The following RYR3 variants were observed in gnomAD, a reference collection of about 807,000 sequenced individuals.
The protein encoded by RYR3 is ryanodine receptor 3, also known as brain ryanodine receptor-calcium release channel.
RYR3 carries 207 observed loss-of-function variants against 584.3 expected under a neutral mutation model. That is an observed-to-expected ratio of 0.35 (90% CI 0.32 to 0.40). RYR3 has a LOEUF of 0.40. RYR3 is among the 10% of genes least tolerant of loss of function. The probability of loss-of-function intolerance (pLI) is 1.00; values close to 1 mark genes in which losing one functional copy is unlikely to be tolerated. For synonymous variants in RYR3, 2,416 were observed against 2,248.5 expected, an observed-to-expected ratio of 1.07 and a Z score of -2.11; for missense variants, 5,616 against 6,089.2, an observed-to-expected ratio of 0.92 and a Z score of 2.59.
chr15:33,710,518 G>A, intron 43 of RYR3, among the ~76,000 whole-genome samples: 1 of 151,960 alleles, frequency 6.6e-6, no homozygotes, highest in Admixed American at 6.6e-5. Context: ...CCTGGGGTCT[G>A]GAGGGTGGCT....
intron 32 of RYR3, among the ~76,000 whole-genome samples, chr15:33,654,828 A>G (rs1204246852): frequency 2.0e-5 from 3 of 152,260 alleles, no homozygotes; most frequent in Admixed American, 2.0e-4. Context: ...ACATGGATAA[A>G]ACCCCTGATT....
In RYR3 at chr15:33,788,372, ACTC is replaced by A; in HGVS notation, c.9748_9750del (p.Leu3250del). 1 of 1,613,798 alleles carries A rather than the reference ACTC, an allele frequency of 6.2e-7. No homozygotes were observed. Among genetic ancestry groups the A allele is most frequent in the Non-Finnish European group, 8.5e-7 (1 of 1,179,832 alleles). On this transcript the variant is annotated inframe_deletion, in exon 67 of 104. Transcript: ENST00000634891. ...GCAAAGGGGACACCCAGGAGGCAGAACTCCTCATCCTGGACGAGTTCGCGGTCC... is the reference window on the plus strand; with the variant it reads ...GCAAAGGGGACACCCAGGAGGCAGAACTCATCCTGGACGAGTTCGCGGTCC...
chr15:33,500,414 T>A (rs2051864917), intron 2 of RYR3, among the ~76,000 whole-genome samples: 1 of 152,178 alleles, frequency 6.6e-6, no homozygotes, highest in African/African-American at 2.4e-5. Flanking sequence ...CAGAAAAATA[T>A]GCCATTATAT....
In RYR3 at chr15:33,649,204, C is replaced by T; in HGVS notation, c.4111C>T (p.Leu1371=). 1.2e-6 allele frequency: 2 copies of T among 1,613,450 alleles called. No homozygotes were observed. Among genetic ancestry groups the T allele is most frequent in the South Asian group, 1.1e-5 (1 of 91,054 alleles). ...LNKNCTVTVT[L]GDERGRVHES... ...TAAAAACTGCACAGTGACTGTCACCCTAGGGGATGAAAGAGGCCGGGTCCA... is the reference window on the plus strand; with the variant it reads ...TAAAAACTGCACAGTGACTGTCACCTTAGGGGATGAAAGAGGCCGGGTCCA... Residue 1371 remains leucine, a synonymous_variant, in exon 31 of 104, where the codon CTA becomes TTA. Coordinates refer to ENST00000634891, the MANE Select transcript of RYR3 (RefSeq NM_001036.6).
intron 71 of RYR3, 109 bp downstream of exon 71, chr15:33,810,758 C>A: frequency 7.2e-7 from 1 of 1,381,682 alleles, no homozygotes; most frequent in South Asian, 1.3e-5. Context: ...GGAGCAGATG[C>A]GCAGAAACCA....
At chr15:33,545,084 G>A (rs1033277491) in intron 8 of RYR3, among the ~76,000 whole-genome samples, 1 of 152,108 alleles carries the variant, frequency 6.6e-6, no homozygotes, top group Non-Finnish European at 1.5e-5. Context: ...GTTTTGCAGG[G>A]TTGTCTGTAT....
Position 33,652,799 on chromosome 15 carries a change from C to T in RYR3, c.4224C>T (p.Asp1408=), listed in dbSNP as rs765780790. 3 of 1,613,882 alleles carry T rather than the reference C, an allele frequency of 1.9e-6. No individual in the cohort carries two copies. The African/African-American group carries it at 4.0e-5, about 22-fold the overall frequency. ...SSQRSNRSNV[D]LEIGCLVDLA... ...AGAGATCAAATCGGAGCAACGTGGACCTGGAGATCGGCTGTCTCGTGGATC... is the reference window on the plus strand; with the variant it reads ...AGAGATCAAATCGGAGCAACGTGGATCTGGAGATCGGCTGTCTCGTGGATC... Residue 1408 remains aspartate, a synonymous_variant, in exon 32 of 104, where the codon GAC becomes GAT. Transcript: ENST00000634891.
chr15:33,378,546 TTAAA>T (rs1046281409), intron 1 of RYR3, among the ~76,000 whole-genome samples: 2 of 152,222 alleles, frequency 1.3e-5, no homozygotes, highest in African/African-American at 4.8e-5. Flanking sequence ...CCCAAGTTGT[TTAAA>T]TAAGAAGCAA....
intron 7 of RYR3, 69 bp from the exon 8 acceptor site, chr15:33,543,553 C>T: frequency 1.0e-6 from 1 of 1,003,806 alleles, no homozygotes; most frequent in Non-Finnish European, 1.6e-6. Flanking sequence ...GTGAATTTAC[C>T]CTTTTTAAAT....
chr15:33,646,543 C>G lies in RYR3; in HGVS notation c.3941+17C>G. 6.3e-7 allele frequency: 1 copy of G among 1,596,254 alleles called. No homozygotes were observed. On this transcript the variant is annotated intron_variant, in intron 29 of 103. Transcript: ENST00000634891. ...CCAGAAAAGGTGAGGGTGAGGCCTC[C>G]AGTTCTCAGAGGCACTCATTGTATC...
At chr15:33,622,564 G>C (rs1383777462) in intron 19 of RYR3, among the ~76,000 whole-genome samples, 1 of 152,196 alleles carries the variant, frequency 6.6e-6, no homozygotes, top group Non-Finnish European at 1.5e-5. Context: ...TGTGACACCA[G>C]GGATGCCATA....
rs551591432 is a variant in RYR3, at chr15:33,429,563, C to T, written c.52-43856C>T. On this transcript the variant is annotated intron_variant, in intron 1 of 103. Transcript: ENST00000634891. ...CTGGTTAAACATGCCATTGCTGTCT[C>T]TAATGTTTTCATTGTGCTCTAATGA... 2.0e-5 allele frequency among the ~76,000 whole-genome samples: 3 copies of T among 152,300 alleles called. No individual in the cohort carries two copies. In the East Asian group the frequency reaches 5.8e-4, roughly 29 times the overall value.
chr15:33,715,128 A>G (rs1225837687), intron 43 of RYR3, among the ~76,000 whole-genome samples: 3 of 152,212 alleles, frequency 2.0e-5, no homozygotes, highest in Non-Finnish European at 4.4e-5. Flanking sequence ...GGAGACATAC[A>G]TCTTTTAGGG....
chr15:33,827,427 T>C, intron 85 of RYR3, 140 bp downstream of exon 85: 8 of 695,462 alleles, frequency 1.2e-5, no homozygotes, highest in Non-Finnish European at 2.0e-5. Context: ...CACAGATGCA[T>C]GGGAAGTCCA....
intron 1 of RYR3, among the ~76,000 whole-genome samples, chr15:33,468,416 T>C (rs948398082): frequency 6.6e-6 from 1 of 152,186 alleles, no homozygotes; most frequent in Non-Finnish European, 1.5e-5. Context: ...ATAGTTGATA[T>C]CATTATCAAT....
intron 1 of RYR3, chr15:33,467,519 A>G (rs1285954414): frequency 1.0e-6 from 1 of 978,706 alleles, no homozygotes; most frequent in East Asian, 1.1e-4. Context: ...AGGATAAAAT[A>G]GGCAAGATCC....
chr15:33,604,144 G>A (rs770270679), intron 18 of RYR3, among the ~76,000 whole-genome samples: 7 of 152,182 alleles, frequency 4.6e-5, no homozygotes, highest in African/African-American at 9.7e-5. Flanking sequence ...TGGAGACGTC[G>A]CGTCCCTTAT....
chr15:33,719,675 G>A (rs994688444), intron 43 of RYR3, among the ~76,000 whole-genome samples: 12 of 152,208 alleles, frequency 7.9e-5, no homozygotes, highest in East Asian at 1.9e-4. Flanking sequence ...TGTGAGATAC[G>A]TCCATGTCTG....
intron 60 of RYR3, among the ~76,000 whole-genome samples, chr15:33,763,594 T>G (rs1272229931): frequency 2.6e-5 from 4 of 152,062 alleles, no homozygotes; most frequent in African/African-American, 9.7e-5. Context: ...AGAATGGTGA[T>G]GATTAAAAAG....
Sources: allele counts gnomAD v4.1 joint callset (sites outside exome capture counted in the v4.1 genomes callset), GRCh38; gene constraint gnomAD v4.1.1; transcripts MANE v1.5; gene names NCBI Gene and HGNC (gene_info 2026-07-23, HGNC 2026-07-21).